Variants in FGGY observed in about 807,000 individuals in gnomAD.
The protein encoded by FGGY is FGGY carbohydrate kinase domain-containing protein.
Under a neutral mutation model 71.3 loss-of-function variants are expected in FGGY, and 72 were observed. That is an observed-to-expected ratio of 1.01 (90% CI 0.84 to 1.23). FGGY has a LOEUF of 1.23. FGGY is among the 50% of genes most tolerant of loss of function. The probability of loss-of-function intolerance (pLI) is 0.00; values close to 1 mark genes in which losing one functional copy is unlikely to be tolerated. For missense variants in FGGY, 668 were observed against 682.3 expected (o/e 0.98, Z 0.23); for synonymous variants, 251 against 250.3 (o/e 1.00, Z -0.02).
At chr1:59,590,167 C>G (rs1194048317) in intron 8 of FGGY, among the ~76,000 whole-genome samples, 2 of 152,200 alleles carry the variant, frequency 1.3e-5, no homozygotes, top group Non-Finnish European at 2.9e-5. Flanking sequence ...CACCTCTACT[C>G]AAATAAACTA....
intron 11 of FGGY, among the ~76,000 whole-genome samples, chr1:59,645,894 G>A (rs546994536): frequency 6.6e-6 from 1 of 152,332 alleles, no homozygotes; most frequent in East Asian, 1.9e-4. Context: ...TTGAAGAGCT[G>A]TGACTTCTAA....
intron 7 of FGGY, among the ~76,000 whole-genome samples, chr1:59,542,020 C>A (rs535670032): frequency 2.8e-4 from 42 of 152,364 alleles, no homozygotes; most frequent in South Asian, 2.1e-4. Context: ...CTAGCTGCTG[C>A]TGATGATAAC....
At chr1:59,489,471 T>C (rs2093758990) in intron 6 of FGGY, among the ~76,000 whole-genome samples, 1 of 152,232 alleles carries the variant, frequency 6.6e-6, no homozygotes, top group Non-Finnish European at 1.5e-5. Flanking sequence ...ATGCAGTGTT[T>C]AACTTTCTGT....
intron 5 of FGGY, among the ~76,000 whole-genome samples, chr1:59,425,909 A>G (rs2066282303): frequency 6.6e-6 from 1 of 152,244 alleles, no homozygotes; most frequent in African/African-American, 2.4e-5. Context: ...TTTATTCCAC[A>G]TAATTCCAAG....
At chr1:59,335,215 TGTTTGCA>T (rs2049242685) in intron 2 of FGGY, among the ~76,000 whole-genome samples, 1 of 152,346 alleles carries the variant, frequency 6.6e-6, no homozygotes, top group South Asian at 2.1e-4. Context: ...TCCTTACACC[TGTTTGCA>T]GTCAACCCCA....
intron 6 of FGGY, among the ~76,000 whole-genome samples, chr1:59,490,074 G>A (rs113909975): frequency 7.9e-5 from 12 of 151,824 alleles, no homozygotes; most frequent in African/African-American, 2.2e-4. Context: ...TTTAGGAGAC[G>A]GGATTTCACT....
chr1:59,680,354 A>G lies in FGGY; in HGVS notation c.1512+6221A>G, dbSNP rs926171959. 2.6e-5 allele frequency among the ~76,000 whole-genome samples: 4 copies of G among 152,194 alleles called. No individual in the cohort carries two copies. In the Middle Eastern group the frequency reaches 0.014, roughly 518 times the overall value. The stretch of plus-strand genomic sequence containing the variant: ...AGTCAACAGAAAACTTTGGAATGGT[A>G]TAATAATTAATAATTGAAAGAAGAA... On this transcript the variant is annotated intron_variant, in intron 14 of 15. Coordinates refer to ENST00000303721, the MANE Select transcript of FGGY (RefSeq NM_018291.5).
intron 2 of FGGY, among the ~76,000 whole-genome samples, chr1:59,325,923 G>T (rs1466867742): frequency 6.6e-6 from 1 of 152,188 alleles, no homozygotes; most frequent in Non-Finnish European, 1.5e-5. Flanking sequence ...TATTGGGCTG[G>T]TAAGCCGCAC....
chr1:59,563,288 G>A (rs1335720706), intron 8 of FGGY, among the ~76,000 whole-genome samples: 1 of 152,110 alleles, frequency 6.6e-6, no homozygotes, highest in African/African-American at 2.4e-5. Flanking sequence ...CCTAGTTTAT[G>A]GATTGTTTTT....
At chr1:59,622,994 C>G (rs1047136238) in intron 9 of FGGY, among the ~76,000 whole-genome samples, 7 of 152,204 alleles carry the variant, frequency 4.6e-5, no homozygotes, top group African/African-American at 1.2e-4. Flanking sequence ...CAGCATTGCT[C>G]TAGGCACTGA....
intron 13 of FGGY, among the ~76,000 whole-genome samples, chr1:59,673,232 G>A (rs1293044693): frequency 6.6e-6 from 1 of 152,190 alleles, no homozygotes; most frequent in African/African-American, 2.4e-5. Context: ...AAGGAGTGTT[G>A]AGGGAAGTTG....
At chr1:59,413,068 C>T (rs1038591353) in intron 5 of FGGY, among the ~76,000 whole-genome samples, 1 of 152,178 alleles carries the variant, frequency 6.6e-6, no homozygotes, top group Non-Finnish European at 1.5e-5. Context: ...TTTCTTTGAC[C>T]TGGAATGCCC....
At chr1:59,523,538 T>C (rs1291890291) in intron 7 of FGGY, among the ~76,000 whole-genome samples, 2 of 152,152 alleles carry the variant, frequency 1.3e-5, no homozygotes, top group African/African-American at 4.8e-5. Context: ...AAATTTTCCA[T>C]ATGGGCATCT....
At chr1:59,408,588 A>G (rs540153510) in intron 5 of FGGY, among the ~76,000 whole-genome samples, 1 of 152,272 alleles carries the variant, frequency 6.6e-6, no homozygotes, top group African/African-American at 2.4e-5. Context: ...GTCTCTCTAA[A>G]TATATATGTA....
intron 14 of FGGY, among the ~76,000 whole-genome samples, chr1:59,684,596 C>T (rs1271962786): frequency 6.6e-5 from 10 of 152,198 alleles, no homozygotes; most frequent in Non-Finnish European, 1.5e-5. Context: ...GTAATAACAT[C>T]TGGATCCTCA....
At chr1:59,602,392 C>G (rs1168198552) in intron 8 of FGGY, among the ~76,000 whole-genome samples, 4 of 152,126 alleles carry the variant, frequency 2.6e-5, no homozygotes, top group South Asian at 4.2e-4. Flanking sequence ...GCAAATAACT[C>G]TTAGCAATGA....
chr1:59,319,482 C>T (rs546313605), intron 1 of FGGY, among the ~76,000 whole-genome samples: 1 of 152,088 alleles, frequency 6.6e-6, no homozygotes, highest in East Asian at 1.9e-4. Flanking sequence ...TAAAAGAAAG[C>T]AGGGAGAAGA....
intron 6 of FGGY, among the ~76,000 whole-genome samples, chr1:59,481,238 A>G (rs114005918): frequency 2.6e-5 from 4 of 152,270 alleles, no homozygotes; most frequent in Non-Finnish European, 4.4e-5. Context: ...TCTTTCCCCT[A>G]TAGAGTTCTT....
intron 5 of FGGY, among the ~76,000 whole-genome samples, chr1:59,410,158 C>T (rs1328557507): frequency 1.3e-5 from 2 of 152,190 alleles, no homozygotes; most frequent in East Asian, 3.8e-4. Flanking sequence ...GTTGCAATCT[C>T]ATTTCATTTC....
Sources: gnomAD v4.1 joint callset for allele counts (sites outside exome capture counted in the v4.1 genomes callset) on GRCh38, gnomAD v4.1.1 for gene constraint, MANE v1.5 for transcripts, NCBI Gene and HGNC (gene_info 2026-07-23, HGNC 2026-07-21) for gene names.